MTCL2: variants seen among roughly 807,000 people sequenced by gnomAD.
MTCL2 encodes the protein microtubule crosslinking factor 2.
chr20:36,808,520 A>T, the MTCL2 span: 2 of 1,593,966 alleles, frequency 1.3e-6, no homozygotes, highest in Non-Finnish European at 1.7e-6. Context: ...TACCTCGAGG[A>T]AGTCATCCCC....
the MTCL2 span, chr20:36,804,584 A>T: frequency 4.1e-6 from 4 of 976,670 alleles, no homozygotes; most frequent in Non-Finnish European, 6.0e-6. Flanking sequence ...GTGTGACTTT[A>T]GGCAAGTCTC....
At chr20:36,792,233 C>A in the MTCL2 span, among the ~76,000 whole-genome samples, 1 of 152,122 alleles carries the variant, frequency 6.6e-6, no homozygotes, top group Admixed American at 6.6e-5. Context: ...TGTGGCCAGG[C>A]GCGGTGGCTC....
the MTCL2 span, chr20:36,812,727 C>A: frequency 6.2e-7 from 1 of 1,614,038 alleles, no homozygotes; most frequent in Non-Finnish European, 8.5e-7. Flanking sequence ...GAATCATTGT[C>A]TTCAGCTCGG....
chr20:36,812,583 A>G, the MTCL2 span: 1 of 1,331,528 alleles, frequency 7.5e-7, no homozygotes, highest in Non-Finnish European at 1.0e-6. Context: ...GCCTGGAACC[A>G]AATGGAATGC....
At chr20:36,814,315 G>GT in the MTCL2 span, among the ~76,000 whole-genome samples, 3 of 152,274 alleles carry the variant, frequency 2.0e-5, no homozygotes, top group Admixed American at 2.0e-4. Flanking sequence ...AAGTTGTGTA[G>GT]TAACAATAGA....
At chr20:36,824,654 A>G in the MTCL2 span, among the ~76,000 whole-genome samples, 1 of 38,550 alleles carries the variant, frequency 2.6e-5, no homozygotes, top group African/African-American at 1.2e-4. Flanking sequence ...TGTTGTTTTT[A>G]TTTTAATTTT....
the MTCL2 span, chr20:36,859,761 C>T: frequency 3.2e-5 from 39 of 1,231,672 alleles, no homozygotes; most frequent in African/African-American, 5.7e-4. Flanking sequence ...CCTGGTGGGA[C>T]CTCCTTCAAC....
chr20:36,790,286 C>T, the MTCL2 span, among the ~76,000 whole-genome samples: 9 of 150,944 alleles, frequency 6.0e-5, no homozygotes, highest in African/African-American at 1.2e-4. Context: ...CCACTGCGCC[C>T]GGCCAATTTT....
the MTCL2 span, among the ~76,000 whole-genome samples, chr20:36,827,693 G>A: frequency 6.6e-6 from 1 of 152,122 alleles, no homozygotes; most frequent in Non-Finnish European, 1.5e-5. Context: ...CTTAGAGAGG[G>A]GAAGTGGCTT....
chr20:36,812,563 C>G, the MTCL2 span: 491 of 1,096,468 alleles, frequency 4.5e-4, 3 homozygotes, highest in African/African-American at 7.2e-3. Context: ...CTGGCCTTGG[C>G]TGCCAAGAAG....
chr20:36,859,521 G>T, the MTCL2 span: 1 of 1,086,966 alleles, frequency 9.2e-7, no homozygotes, highest in African/African-American at 1.6e-5. Flanking sequence ...ATCCAAGCAT[G>T]CAAGGTCATC....
At chr20:36,790,580 G>A in the MTCL2 span, among the ~76,000 whole-genome samples, 3 of 151,490 alleles carry the variant, frequency 2.0e-5, no homozygotes, top group East Asian at 1.9e-4. Flanking sequence ...GACTATAGGC[G>A]CATGCTGCCA....
At chr20:36,813,461 C>T in the MTCL2 span, among the ~76,000 whole-genome samples, 17 of 151,968 alleles carry the variant, frequency 1.1e-4, no homozygotes, top group Admixed American at 4.6e-4. Context: ...CAGAAGGGCA[C>T]GATGGCTCAC....
chr20:36,859,462 C>A, the MTCL2 span: 9 of 711,876 alleles, frequency 1.3e-5, no homozygotes, highest in African/African-American at 1.8e-5. Flanking sequence ...CCACATCAAT[C>A]TCCCTCTGAA....
the MTCL2 span, chr20:36,863,070 C>T: frequency 3.6e-6 from 5 of 1,402,268 alleles, no homozygotes; most frequent in Non-Finnish European, 4.6e-6. The surrounding 1 kb of genome is among the most constrained non-coding windows in gnomAD (Gnocchi z 6.2). Context: ...GACCCCGGTG[C>T]GGACCCCGGC....
chr20:36,846,761 C>G, the MTCL2 span, among the ~76,000 whole-genome samples: 1 of 152,184 alleles, frequency 6.6e-6, no homozygotes, highest in East Asian at 1.9e-4. Context: ...AATCCCAGCA[C>G]TTTGGGAGGC....
At chr20:36,844,497 G>A in the MTCL2 span, among the ~76,000 whole-genome samples, 3 of 152,120 alleles carry the variant, frequency 2.0e-5, no homozygotes, top group East Asian at 5.8e-4. Context: ...CAGGTGCGGT[G>A]GCTCATGCCT....
At chr20:36,851,859 A>G in the MTCL2 span, among the ~76,000 whole-genome samples, 1 of 152,126 alleles carries the variant, frequency 6.6e-6, no homozygotes, top group African/African-American at 2.4e-5. Context: ...AGGCCCTCAG[A>G]GGGGAGGAGA....
the MTCL2 span, among the ~76,000 whole-genome samples, chr20:36,848,122 C>A: frequency 2.0e-5 from 3 of 152,208 alleles, no homozygotes; most frequent in Non-Finnish European, 4.4e-5. Context: ...GCACTCCAGG[C>A]TAGGTGACAG....
Sources: allele counts gnomAD v4.1 joint callset (sites outside exome capture counted in the v4.1 genomes callset), GRCh38; gene constraint gnomAD v4.1.1; non-coding constraint Gnocchi (gnomAD v3.1); transcripts MANE v1.5; gene names NCBI Gene and HGNC (gene_info 2026-07-23, HGNC 2026-07-21).